The following EBF1 variants were observed in gnomAD, a reference collection of about 807,000 sequenced individuals.
EBF1 encodes EBF transcription factor 1.
A neutral mutation model predicts 68.4 loss-of-function variants in EBF1; 10 were observed. The ratio of observed to expected loss-of-function variants is 0.15; its 90% CI spans 0.09 to 0.25. The LOEUF (loss-of-function observed/expected upper bound fraction) is 0.25, where lower values mean the gene tolerates loss of function less well. EBF1 is among the 10% of genes least tolerant of loss of function. EBF1 has a pLI of 1.00. For synonymous variants in EBF1, 298 were observed against 299.8 expected (o/e 0.99, Z 0.06); for missense variants, 509 against 794.4 (o/e 0.64, Z 4.32).
chr5:158,808,834 G>A (rs147985553), intron 8 of EBF1, among the ~76,000 whole-genome samples: 18 of 152,124 alleles, frequency 1.2e-4, no homozygotes, highest in Non-Finnish European at 7.4e-5. Context: ...AACATCCTTT[G>A]CATGTTCCCA....
chr5:159,096,270 C>T, intron 3 of EBF1, 73 bp downstream of exon 3: 1 of 1,481,830 alleles, frequency 6.7e-7, no homozygotes, highest in Non-Finnish European at 9.2e-7. Flanking sequence ...ATTTCGTCCA[C>T]CTGGAGCTCC....
Position 158,823,903 on chromosome 5 carries a change from CCTG to C in EBF1, c.637-589_637-587del, listed in dbSNP as rs771164932. ...TACCATCACCCCACCCCAAAAAATT[CCTG>C]CTAATTAAGGGTCTTAGATCTGTTT... is the stretch of plus-strand genomic sequence containing the variant. On this transcript the variant is annotated intron_variant, in intron 7 of 15. Transcript: ENST00000313708. Among the ~76,000 whole-genome samples, 6 of 151,122 alleles carry C rather than the reference CCTG, an allele frequency of 4.0e-5. No individual in the cohort carries two copies. In the South Asian group the frequency reaches 6.4e-4, roughly 16 times the overall value.
chr5:158,839,567 G>T (rs905547054), intron 7 of EBF1, among the ~76,000 whole-genome samples: 1 of 152,042 alleles, frequency 6.6e-6, no homozygotes, highest in African/African-American at 2.4e-5. Flanking sequence ...TTTTTCTGTA[G>T]GGTTGAAGTT....
intron 10 of EBF1, among the ~76,000 whole-genome samples, chr5:158,755,280 C>A (rs917601386): frequency 6.6e-6 from 1 of 151,908 alleles, no homozygotes; most frequent in Admixed American, 6.6e-5. Flanking sequence ...TCTTTCCTAC[C>A]CTGAGCCCCC....
At chr5:158,711,681 T>A (rs1009906023) in intron 14 of EBF1, among the ~76,000 whole-genome samples, 1 of 152,002 alleles carries the variant, frequency 6.6e-6, no homozygotes, top group Non-Finnish European at 1.5e-5. Flanking sequence ...TTGCTTTTTT[T>A]TTTTCTTTGA....
chr5:158,790,403 C>A (rs1173844951), intron 9 of EBF1, among the ~76,000 whole-genome samples: 1 of 152,152 alleles, frequency 6.6e-6, no homozygotes, highest in Admixed American at 6.5e-5. Flanking sequence ...CCAGTCCAAC[C>A]ACTTTGTGAT....
At chr5:158,943,064 G>A (rs1365151960) in intron 6 of EBF1, among the ~76,000 whole-genome samples, 1 of 134,712 alleles carries the variant, frequency 7.4e-6, no homozygotes, top group Non-Finnish European at 1.6e-5. Flanking sequence ...GAGGGAGGGA[G>A]GGAGGGAGGG....
intron 5 of EBF1, among the ~76,000 whole-genome samples, chr5:159,079,421 G>A (rs1261120654): frequency 6.6e-6 from 1 of 152,042 alleles, no homozygotes; most frequent in Non-Finnish European, 1.5e-5. Context: ...TCTTATAAGA[G>A]TCCCTGTCAC....
intron 6 of EBF1, among the ~76,000 whole-genome samples, chr5:159,024,128 G>C (rs955569070): frequency 6.6e-6 from 1 of 152,108 alleles, no homozygotes. Context: ...CACCCCAGAT[G>C]CTGAGATCCT....
chr5:158,978,409 T>A (rs1236899836), intron 6 of EBF1, among the ~76,000 whole-genome samples: 2 of 152,084 alleles, frequency 1.3e-5, no homozygotes, highest in African/African-American at 2.4e-5. Flanking sequence ...CCCCTTCCCT[T>A]ATTTATTTAT....
At chr5:159,004,014 C>T (rs1448759957) in intron 6 of EBF1, among the ~76,000 whole-genome samples, 1 of 152,202 alleles carries the variant, frequency 6.6e-6, no homozygotes, top group African/African-American at 2.4e-5. Flanking sequence ...CAGTGCCTCA[C>T]AGCTGAAATC....
rs542009939 is a variant in EBF1, at chr5:158,888,505, G to A, written c.555-48395C>T. 1.6e-3 allele frequency among the ~76,000 whole-genome samples: 249 copies of A among 152,202 alleles called. 2 individuals carry two copies. Among genetic ancestry groups the A allele is most frequent in the Non-Finnish European group, 2.3e-3 (157 of 68,004 alleles). ...TACATAGCTACAGAAAGCTTTCACA[G>A]CCAATGTGCTAAATTTGTTCAGTGA... On this transcript the variant is annotated intron_variant, in intron 6 of 15. Transcript: ENST00000313708.
intron 6 of EBF1, among the ~76,000 whole-genome samples, chr5:158,968,656 C>A (rs1754677851): frequency 1.3e-5 from 2 of 152,084 alleles, no homozygotes. Context: ...GAAGAACATA[C>A]CACTGAAAAA....
chr5:158,964,805 G>A (rs890795188), intron 6 of EBF1, among the ~76,000 whole-genome samples: 1 of 152,124 alleles, frequency 6.6e-6, no homozygotes, highest in African/African-American at 2.4e-5. Context: ...TACTCCAGAG[G>A]AGCAACTTTC....
At chr5:159,066,913 C>T (rs536035028) in intron 6 of EBF1, among the ~76,000 whole-genome samples, 131 of 152,000 alleles carry the variant, frequency 8.6e-4, no homozygotes, top group Non-Finnish European at 1.4e-3. Context: ...TGTAGTTACG[C>T]GGTTTGTAAA....
chr5:158,996,192 T>C (rs1324238715), intron 6 of EBF1, among the ~76,000 whole-genome samples: 1 of 152,236 alleles, frequency 6.6e-6, no homozygotes, highest in Non-Finnish European at 1.5e-5. Flanking sequence ...ATCATGCTGA[T>C]TTATCAGATC....
intron 6 of EBF1, among the ~76,000 whole-genome samples, chr5:158,938,790 C>T (rs1812631084): frequency 6.6e-6 from 1 of 152,220 alleles, no homozygotes; most frequent in Admixed American, 6.5e-5. Context: ...CCAAAAACCT[C>T]ACCTCCTAAT....
At chr5:158,883,834 A>T (rs533201097) in intron 6 of EBF1, among the ~76,000 whole-genome samples, 2 of 152,288 alleles carry the variant, frequency 1.3e-5, no homozygotes, top group Non-Finnish European at 1.5e-5. Flanking sequence ...AGATACGAAG[A>T]TAAAAAAGCG....
rs142213624 is a variant in EBF1, at chr5:158,835,682, T to G, written c.636+4347A>C. On this transcript the variant is annotated intron_variant, in intron 7 of 15. Coordinates refer to ENST00000313708, the MANE Select transcript of EBF1 (RefSeq NM_024007.5). ...GCTCACAGACTATGGACAATTTTTT[T>G]TTGTTGTTGTTCCAAAACATCAGAA... Among the ~76,000 whole-genome samples the G allele has an allele frequency of 4.0e-3, 613 of 152,312 alleles. 6 individuals are homozygous for G. The highest frequency in any genetic ancestry group is 0.01 in the Middle Eastern group (3 of 294).
Sources: allele counts gnomAD v4.1 joint callset (sites outside exome capture counted in the v4.1 genomes callset), GRCh38; gene constraint gnomAD v4.1.1; transcripts MANE v1.5; gene names NCBI Gene and HGNC (gene_info 2026-07-23, HGNC 2026-07-21).